The following ZNF277 variants were observed in gnomAD, a reference collection of about 807,000 sequenced individuals.
ZNF277 encodes zinc finger protein 277, also known as nuclear receptor-interacting factor 4.
A neutral mutation model predicts 60.7 loss-of-function variants in ZNF277; 55 were observed. The observed-to-expected ratio is 0.91, with a 90% confidence interval of 0.73 to 1.13. The LOEUF (loss-of-function observed/expected upper bound fraction) is 1.13. ZNF277 is among the 50% of genes most tolerant of loss of function. ZNF277 has a pLI of 0.00. For synonymous variants in ZNF277, 178 were observed against 179.3 expected (o/e 0.99, Z 0.06); for missense variants, 510 against 523.0 (o/e 0.98, Z 0.24).
chr7:112,219,988 T>C (rs1306418991), intron 1 of ZNF277, among the ~76,000 whole-genome samples: 1 of 152,198 alleles, frequency 6.6e-6, no homozygotes, highest in East Asian at 1.9e-4. Context: ...TCAGGTAGAG[T>C]GATGCCTCCA....
intron 1 of ZNF277, among the ~76,000 whole-genome samples, chr7:112,227,783 A>G (rs1040690878): frequency 1.3e-5 from 2 of 152,086 alleles, no homozygotes; most frequent in Admixed American, 6.6e-5. Flanking sequence ...CTGAATGGCT[A>G]TATTATTATG....
intron 1 of ZNF277, among the ~76,000 whole-genome samples, chr7:112,244,432 A>G (rs1489672442): frequency 1.3e-5 from 2 of 152,122 alleles, no homozygotes; most frequent in African/African-American, 4.8e-5. Flanking sequence ...TTCTCTGCTT[A>G]TGTGACCTAT....
At chr7:112,307,315 C>T (rs1338867321) in intron 4 of ZNF277, among the ~76,000 whole-genome samples, 3 of 152,062 alleles carry the variant, frequency 2.0e-5, no homozygotes, top group Admixed American at 6.5e-5. Flanking sequence ...GCTCTGTGTT[C>T]GTGTCTCTCT....
intron 1 of ZNF277, among the ~76,000 whole-genome samples, chr7:112,261,291 G>A (rs1364817721): frequency 2.6e-5 from 4 of 152,168 alleles, no homozygotes; most frequent in Admixed American, 6.5e-5. Flanking sequence ...CTTGAAGACT[G>A]TCCCTCCTTT....
At chr7:112,269,217 T>G (rs115039170) in intron 1 of ZNF277, among the ~76,000 whole-genome samples, 6,563 of 151,636 alleles carry the variant, frequency 0.043, 333 homozygotes, top group African/African-American at 0.13. Context: ...TTTGTTTTTT[T>G]TTTGTTTGTT....
intron 1 of ZNF277, among the ~76,000 whole-genome samples, chr7:112,264,702 G>A (rs1204266548): frequency 6.6e-6 from 1 of 152,032 alleles, no homozygotes; most frequent in Non-Finnish European, 1.5e-5. Flanking sequence ...TTGGTTTCAG[G>A]TCACCACAAT....
At chr7:112,211,534 C>G (rs925717356) in intron 1 of ZNF277, among the ~76,000 whole-genome samples, 3 of 152,200 alleles carry the variant, frequency 2.0e-5, no homozygotes, top group Non-Finnish European at 4.4e-5. Flanking sequence ...AAGTGTTTGA[C>G]CAGAATGGAA....
At chr7:112,252,536 A>T (rs537957182) in intron 1 of ZNF277, among the ~76,000 whole-genome samples, 63 of 152,286 alleles carry the variant, frequency 4.1e-4, no homozygotes, top group Non-Finnish European at 6.3e-4. Flanking sequence ...TATACCCGTG[A>T]TGTCGCTAGG....
intron 1 of ZNF277, among the ~76,000 whole-genome samples, chr7:112,232,046 T>C (rs1389054012): frequency 1.8e-4 from 1 of 5,426 alleles, no homozygotes; most frequent in African/African-American, 2.2e-4. Context: ...TAAATACATA[T>C]ATATATATAT....
At chr7:112,310,491 G>GAGAGAGAGA (rs1792705618) in intron 4 of ZNF277, among the ~76,000 whole-genome samples, 1 of 148,708 alleles carries the variant, frequency 6.7e-6, no homozygotes, top group African/African-American at 2.6e-5. Context: ...GTGTGTGTGT[G>GAGAGAGAGA]TATGTATTTT....
intron 1 of ZNF277, among the ~76,000 whole-genome samples, chr7:112,216,258 TCAC>T (rs1345048984): frequency 6.6e-6 from 1 of 152,232 alleles, no homozygotes; most frequent in Non-Finnish European, 1.5e-5. Context: ...TGCAAAAAGC[TCAC>T]TGGACAAGGA....
rs77265911 is a variant in ZNF277 at position 112,294,055 on chromosome 7, G to A, written c.294-1814G>A. 1.1e-4 allele frequency among the ~76,000 whole-genome samples: 16 copies of A among 152,294 alleles called. No homozygotes were observed. In the East Asian group the frequency reaches 3.1e-3, roughly 29 times the overall value. ...CTTCTGTTCTAACATCTCTAATACA[G>A]GTTCTACTGTGTTCCTTCATCCCTG... On this transcript the variant is annotated intron_variant, in intron 2 of 11. Coordinates refer to ENST00000361822, the MANE Select transcript of ZNF277 (RefSeq NM_021994.3).
At chr7:112,246,172 C>G (rs1395491585) in intron 1 of ZNF277, among the ~76,000 whole-genome samples, 1 of 151,810 alleles carries the variant, frequency 6.6e-6, no homozygotes, top group Non-Finnish European at 1.5e-5. Context: ...TTGCTTGAGC[C>G]CAGGAGTTTG....
At chr7:112,242,121 C>T (rs944292808) in intron 1 of ZNF277, among the ~76,000 whole-genome samples, 7 of 151,834 alleles carry the variant, frequency 4.6e-5, no homozygotes, top group African/African-American at 1.7e-4. Context: ...CATAAATAAA[C>T]ACATATACTG....
intron 1 of ZNF277, among the ~76,000 whole-genome samples, chr7:112,281,534 G>C (rs567593215): frequency 6.4e-4 from 97 of 152,074 alleles, no homozygotes; most frequent in Non-Finnish European, 1.1e-3. Flanking sequence ...TGTTATCTTA[G>C]AATTCAATGT....
chr7:112,288,213 G>A (rs960807507), intron 2 of ZNF277: 2 of 152,334 alleles, frequency 1.3e-5, no homozygotes, highest in East Asian at 3.9e-4. Flanking sequence ...ATTTCTGGAA[G>A]TAGTTGTCCA....
intron 1 of ZNF277, among the ~76,000 whole-genome samples, chr7:112,210,632 C>T (rs1821718661): frequency 6.6e-6 from 1 of 151,730 alleles, no homozygotes; most frequent in African/African-American, 2.4e-5. Flanking sequence ...CCACCATGCC[C>T]AGCTAATTTT....
intron 1 of ZNF277, among the ~76,000 whole-genome samples, chr7:112,210,677 G>C (rs187908147): frequency 3.9e-5 from 6 of 151,984 alleles, no homozygotes; most frequent in Non-Finnish European, 8.8e-5. Flanking sequence ...TCGCCATCTA[G>C]GCCAGGCTGG....
chr7:112,342,513 C>G lies in ZNF277; in HGVS notation c.1185-48C>G. 3 of 1,405,816 alleles carry G rather than the reference C, an allele frequency of 2.1e-6. 1 individual carries two copies. Among genetic ancestry groups the G allele is most frequent in the Middle Eastern group, 4.5e-4 (2 of 4,440 alleles). 87.1% of individuals were successfully genotyped at this position (1,405,816 alleles called of 1,614,324 possible). A position where few individuals can be genotyped will look rare whatever the true frequency, so the allele number is the denominator to read the frequency against. ...ATGTGTACATTCAGCTACCTGGACA[C>G]TGTATTAGCTTGGTAATTTAATACT... is the stretch of plus-strand genomic sequence containing the variant. On this transcript the variant is annotated intron_variant, in intron 11 of 11. Transcript: ENST00000361822.
Sources: allele counts gnomAD v4.1 joint callset (sites outside exome capture counted in the v4.1 genomes callset), GRCh38; gene constraint gnomAD v4.1.1; transcripts MANE v1.5; gene names NCBI Gene and HGNC (gene_info 2026-07-23, HGNC 2026-07-21).